The following SCFD2 variants were observed in gnomAD, a reference collection of about 807,000 sequenced individuals.
The protein encoded by SCFD2 is sec1 family domain-containing protein 2.
SCFD2 carries 54 observed loss-of-function variants against 58.9 expected under a neutral mutation model. That is an observed-to-expected ratio of 0.92 (90% CI 0.74 to 1.15). SCFD2 has a LOEUF of 1.15. Ranked by LOEUF, SCFD2 falls within the 50% of genes most tolerant of loss-of-function variation. SCFD2 has a pLI of 0.00. For missense variants in SCFD2, 805 were observed against 836.6 expected (o/e 0.96, Z 0.47); for synonymous variants, 321 against 335.9 (o/e 0.96, Z 0.49).
At chr4:53,024,800 T>G (rs972530837) in intron 5 of SCFD2, among the ~76,000 whole-genome samples, 1 of 151,804 alleles carries the variant, frequency 6.6e-6, no homozygotes. Context: ...CCTTTAACTC[T>G]GGTCCTGTTA....
chr4:52,958,125 A>G (rs1478667131), intron 5 of SCFD2: 1 of 152,250 alleles, frequency 6.6e-6, no homozygotes, highest in African/African-American at 2.4e-5. Flanking sequence ...TTGTATCAAA[A>G]TTGTTCCTTT....
intron 4 of SCFD2, among the ~76,000 whole-genome samples, chr4:53,225,450 T>C (rs1009629267): frequency 2.0e-5 from 3 of 152,232 alleles, no homozygotes; most frequent in Non-Finnish European, 4.4e-5. Context: ...TGTTGAATGA[T>C]GTTTTCCTTA....
At chr4:53,115,213 G>A (rs1389068790) in intron 5 of SCFD2, among the ~76,000 whole-genome samples, 1 of 151,800 alleles carries the variant, frequency 6.6e-6, no homozygotes, top group Non-Finnish European at 1.5e-5. Context: ...TTAAATGAAA[G>A]CAAATCATAT....
At chr4:53,119,470 G>A (rs1242118047) in intron 5 of SCFD2, among the ~76,000 whole-genome samples, 8 of 152,064 alleles carry the variant, frequency 5.3e-5, no homozygotes, top group African/African-American at 1.9e-4. Context: ...GACAGAACGA[G>A]ACTGTTTCAA....
chr4:53,013,036 A>G (rs1050781903), intron 5 of SCFD2, among the ~76,000 whole-genome samples: 2 of 152,144 alleles, frequency 1.3e-5, no homozygotes, highest in Non-Finnish European at 2.9e-5. Flanking sequence ...GAGCTCCTGC[A>G]CCAACTCCAA....
intron 4 of SCFD2, among the ~76,000 whole-genome samples, chr4:53,235,040 C>A (rs1220936029): frequency 1.3e-5 from 2 of 152,236 alleles, no homozygotes; most frequent in Non-Finnish European, 2.9e-5. Flanking sequence ...GATGGCCACT[C>A]CTGCTCCTGC....
At position 52,893,234 on chromosome 4, in the gene SCFD2, T is replaced by C. The variant is rs551021127; in HGVS notation, c.1843-7368A>G. On this transcript the variant is annotated intron_variant, in intron 7 of 8. Transcript: ENST00000401642. Reference sequence around the variant, plus strand: ...CCTTTCTTTCTTTTCTTTCCCTTCTTTCTCTCTCTCTCTCTCTTTCTTTCT... The same window carrying C: ...CCTTTCTTTCTTTTCTTTCCCTTCTCTCTCTCTCTCTCTCTCTTTCTTTCT... 3.2e-3 allele frequency among the ~76,000 whole-genome samples: 482 copies of C among 151,124 alleles called. 1 individual carries two copies. The highest frequency in any genetic ancestry group is 5.7e-3 in the Non-Finnish European group (386 of 67,658).
At chr4:53,036,929 G>A (rs1487516360) in intron 5 of SCFD2, among the ~76,000 whole-genome samples, 2 of 152,114 alleles carry the variant, frequency 1.3e-5, no homozygotes, top group Admixed American at 1.3e-4. Context: ...ACAGCTCAGT[G>A]ATTGCCAAGG....
chr4:53,302,397 T>C (rs934630162), intron 3 of SCFD2, among the ~76,000 whole-genome samples: 6 of 152,162 alleles, frequency 3.9e-5, no homozygotes, highest in Admixed American at 1.3e-4. Flanking sequence ...CTTACAAGGA[T>C]GTGAAGGACC....
intron 5 of SCFD2, among the ~76,000 whole-genome samples, chr4:53,057,511 T>TG (rs1723378134): frequency 6.6e-6 from 1 of 151,568 alleles, no homozygotes; most frequent in African/African-American, 2.4e-5. Context: ...TGAGAACACA[T>TG]GGACACAGAG....
At chr4:53,221,529 G>A (rs1286260924) in intron 4 of SCFD2, among the ~76,000 whole-genome samples, 1 of 152,166 alleles carries the variant, frequency 6.6e-6, no homozygotes, top group East Asian at 1.9e-4. Context: ...CGACAGTTTG[G>A]AATGATGCCT....
chr4:53,357,777 G>A (rs1383771982), intron 1 of SCFD2, among the ~76,000 whole-genome samples: 1 of 152,188 alleles, frequency 6.6e-6, no homozygotes, highest in Non-Finnish European at 1.5e-5. Context: ...CAGCACTGGA[G>A]TCCAAATGTT....
intron 4 of SCFD2, among the ~76,000 whole-genome samples, chr4:53,245,960 G>A (rs1260413505): frequency 6.6e-6 from 1 of 151,998 alleles, no homozygotes; most frequent in Admixed American, 6.6e-5. Context: ...CTCTATAGTC[G>A]TGGCCCACAA....
chr4:53,341,622 C>T (rs1159366368), intron 2 of SCFD2, among the ~76,000 whole-genome samples: 1 of 152,142 alleles, frequency 6.6e-6, no homozygotes, highest in African/African-American at 2.4e-5. Flanking sequence ...CAAAGACACT[C>T]TTCGAGAAGA....
chr4:53,300,493 A>C (rs1416067015), intron 3 of SCFD2, among the ~76,000 whole-genome samples: 5 of 152,164 alleles, frequency 3.3e-5, no homozygotes, highest in Non-Finnish European at 5.9e-5. Context: ...CCCACACAAT[A>C]ATACTGGGAG....
At chr4:53,348,910 G>C (rs182975442) in intron 2 of SCFD2, among the ~76,000 whole-genome samples, 84 of 151,900 alleles carry the variant, frequency 5.5e-4, no homozygotes, top group African/African-American at 2.0e-3. Context: ...AAGTAAAGAT[G>C]GGGTTTCACC....
chr4:53,135,727 C>T (rs915480631), intron 5 of SCFD2, among the ~76,000 whole-genome samples: 3 of 151,706 alleles, frequency 2.0e-5, no homozygotes, highest in South Asian at 2.1e-4. Flanking sequence ...GGCAACAGAG[C>T]GAGACTCCAT....
chr4:53,238,185 C>G (rs1316036426), intron 4 of SCFD2, among the ~76,000 whole-genome samples: 13 of 139,686 alleles, frequency 9.3e-5, no homozygotes, highest in South Asian at 2.3e-4. Flanking sequence ...GGGGGCTGAC[C>G]CCCCCACCTC....
chr4:52,957,599 T>C (rs1417656459), intron 5 of SCFD2: 1 of 152,226 alleles, frequency 6.6e-6, no homozygotes, highest in Non-Finnish European at 1.5e-5. Context: ...AAGGCTTTGT[T>C]CCTGTCTCTT....
Sources: allele counts gnomAD v4.1 joint callset (sites outside exome capture counted in the v4.1 genomes callset), GRCh38; gene constraint gnomAD v4.1.1; transcripts MANE v1.5; gene names NCBI Gene and HGNC (gene_info 2026-07-23, HGNC 2026-07-21).